Variants in MTMR3 observed in about 807,000 individuals in gnomAD.
MTMR3 encodes the protein phosphatidylinositol-3,5-bisphosphate 3-phosphatase MTMR3.
A neutral mutation model predicts 132.4 loss-of-function variants in MTMR3; 32 were observed. That is an observed-to-expected ratio of 0.24 (90% confidence interval 0.18 to 0.32). The LOEUF (loss-of-function observed/expected upper bound fraction) is 0.32. Among genes scored for constraint, MTMR3 ranks in the 10% least tolerant of loss-of-function variants. The pLI, the probability that MTMR3 is intolerant of heterozygous loss-of-function variation, is 1.00. For missense variants in MTMR3, 1,216 were observed against 1,489.6 expected, an observed-to-expected ratio of 0.82 and a Z score of 3.02; for synonymous variants, 556 against 550.3, an observed-to-expected ratio of 1.01 and a Z score of -0.14.
chr22:29,898,624 ACTC>A (rs763367576), intron 1 of MTMR3, among the ~76,000 whole-genome samples: 1 of 151,566 alleles, frequency 6.6e-6, no homozygotes, highest in Non-Finnish European at 1.5e-5. Flanking sequence ...GCTGCCTCGA[ACTC>A]CTGGACTCAA....
intron 12 of MTMR3, 191 bp from the exon 13 acceptor site, chr22:30,012,177 C>A (rs568546753): frequency 7.1e-6 from 4 of 566,534 alleles, no homozygotes; most frequent in African/African-American, 1.9e-5. Flanking sequence ...TAAGGCTCTT[C>A]TCTATTGTAT....
chr22:29,964,318 T>G (rs1482680213), intron 2 of MTMR3, among the ~76,000 whole-genome samples: 2 of 152,206 alleles, frequency 1.3e-5, no homozygotes, highest in African/African-American at 4.8e-5. Flanking sequence ...ACATCTGCGA[T>G]TTGTAGTGTT....
At chr22:29,910,113 G>A (rs1044348140) in intron 1 of MTMR3, among the ~76,000 whole-genome samples, 2 of 149,516 alleles carry the variant, frequency 1.3e-5, no homozygotes, top group Admixed American at 6.7e-5. Context: ...GCAGTGAGCC[G>A]AGATTGTGCC....
chr22:29,894,503 C>CGTGTGTGTGT (rs144670905), intron 1 of MTMR3, among the ~76,000 whole-genome samples: 2,802 of 147,268 alleles, frequency 0.019, 73 homozygotes, highest in African/African-American at 0.058. Context: ...GTTCTGTATC[C>CGTGTGTGTGT]GTGTGTGTGT....
intron 17 of MTMR3, chr22:30,021,647 A>G (rs1213279543): frequency 5.0e-6 from 1 of 199,154 alleles, no homozygotes; most frequent in Non-Finnish European, 1.0e-5. Flanking sequence ...AGTCCTTCTA[A>G]GAAAAGGAGG....
intron 1 of MTMR3, among the ~76,000 whole-genome samples, chr22:29,956,013 A>G (rs964953301): frequency 7.2e-5 from 11 of 152,082 alleles, no homozygotes; most frequent in African/African-American, 2.4e-4. Context: ...TGGCCTCCCA[A>G]AGTGCTGGGA....
At chr22:29,906,175 A>G (rs9608823) in intron 1 of MTMR3, among the ~76,000 whole-genome samples, 24,358 of 152,046 alleles carry the variant, frequency 0.16, 2,058 homozygotes, top group South Asian at 0.24. Context: ...TTCATAGGAA[A>G]AACTTTGGTG....
chr22:30,016,826 C>A, intron 15 of MTMR3, 128 bp downstream of exon 15: 1 of 1,106,282 alleles, frequency 9.0e-7, no homozygotes, highest in Non-Finnish European at 1.3e-6. Context: ...GGACTGGTTC[C>A]ATTTTTCCCC....
At chr22:29,917,217 A>G (rs1170980795) in intron 1 of MTMR3, among the ~76,000 whole-genome samples, 2 of 152,240 alleles carry the variant, frequency 1.3e-5, no homozygotes, top group African/African-American at 4.8e-5. Flanking sequence ...TCTGTAGCCA[A>G]AGGTGTCTGT....
intron 1 of MTMR3, among the ~76,000 whole-genome samples, chr22:29,954,740 C>G (rs1225494120): frequency 6.6e-6 from 1 of 152,194 alleles, no homozygotes; most frequent in African/African-American, 2.4e-5. Flanking sequence ...AAATCTAGCA[C>G]CATCAATTCA....
intron 1 of MTMR3, among the ~76,000 whole-genome samples, chr22:29,928,296 C>G (rs2065566244): frequency 6.6e-6 from 1 of 151,386 alleles, no homozygotes; most frequent in Non-Finnish European, 1.5e-5. Context: ...TTCAGCCTCC[C>G]TAGTAGCTGG....
chr22:30,025,474 C>T, intron 19 of MTMR3, 156 bp from the exon 20 acceptor site: 1 of 728,884 alleles, frequency 1.4e-6, no homozygotes, highest in South Asian at 1.8e-5. Context: ...CCCTCCCTAC[C>T]CAGCTTGTTC....
rs1233899627 is a variant in MTMR3 at position 30,028,668 on chromosome 22, TC to T, written c.*2871del. 6.6e-6 allele frequency: 1 copy of T among 152,262 alleles called. No individual in the cohort carries two copies. The highest frequency in any genetic ancestry group is 1.5e-5 in the Non-Finnish European group (1 of 68,024). The allele number at this position is 152,262 out of a possible 1,614,324, so 9.4% of individuals were successfully genotyped here. A position where few individuals can be genotyped will look rare whatever the true frequency, so the allele number is the denominator to read the frequency against. Reference sequence around the variant, plus strand: ...AGATCCAGAGTGACCTGCTCAGAGCTCCCCAGAGGCCTTCACTCTTTGGGGC... The same window carrying T: ...AGATCCAGAGTGACCTGCTCAGAGCTCCCAGAGGCCTTCACTCTTTGGGGC... On this transcript the variant is annotated 3_prime_UTR_variant, in exon 20 of 20. Coordinates refer to ENST00000401950, the MANE Select transcript of MTMR3 (RefSeq NM_021090.4).
rs947920440 is a variant in MTMR3, at chr22:30,007,243, G to C, written c.801G>C (p.Ser267=). ...AAGCTTGTGCCTCTGACTCCCGATC[G>C]AGTGGCAGCAAGCTGTCAACTAGGA... ...VAKACASDSR[S]SGSKLSTRNT... is the part of the protein sequence containing the mutation. The change falls in exon 10 of 20, where the codon TCG becomes TCC. Residue 267 remains serine (S), a synonymous_variant. Coordinates refer to ENST00000401950, the MANE Select transcript of MTMR3 (RefSeq NM_021090.4). 6.8e-6 allele frequency: 11 copies of C among 1,614,090 alleles called. No homozygotes were observed. The highest frequency in any genetic ancestry group is 9.3e-6 in the Non-Finnish European group (11 of 1,180,036).
chr22:30,022,256 C>G (rs1432832060), intron 18 of MTMR3, 117 bp downstream of exon 18: 5 of 778,560 alleles, frequency 6.4e-6, no homozygotes, highest in Non-Finnish European at 1.1e-5. Context: ...ACAGCTAGCC[C>G]TGAGCCTCTG....
At chr22:29,993,980 G>T (rs2067012723) in intron 7 of MTMR3, 1 of 333,266 alleles carries the variant, frequency 3.0e-6, no homozygotes, top group Non-Finnish European at 4.3e-6. Context: ...ACTGGGCAAA[G>T]AATTTATGCT....
intron 1 of MTMR3, among the ~76,000 whole-genome samples, chr22:29,889,585 C>T (rs1244564635): frequency 6.6e-6 from 1 of 151,742 alleles, no homozygotes; most frequent in Non-Finnish European, 1.5e-5. Flanking sequence ...CTGCACCTGG[C>T]CCAGAACGGT....
intron 5 of MTMR3, chr22:29,979,997 AAATT>A (rs1452722297): frequency 6.6e-6 from 1 of 152,228 alleles, no homozygotes; most frequent in Non-Finnish European, 1.5e-5. Context: ...AAAGGCTTGA[AAATT>A]CATGTACTTA....
At chr22:29,959,171 T>A (rs938479428) in intron 2 of MTMR3, among the ~76,000 whole-genome samples, 3 of 152,206 alleles carry the variant, frequency 2.0e-5, no homozygotes, top group African/African-American at 7.2e-5. Flanking sequence ...CTGTAAAGAT[T>A]TCTGAGAAGT....
Sources: gnomAD v4.1 joint callset for allele counts (sites outside exome capture counted in the v4.1 genomes callset) on GRCh38, gnomAD v4.1.1 for gene constraint, MANE v1.5 for transcripts, NCBI Gene and HGNC (gene_info 2026-07-23, HGNC 2026-07-21) for gene names.